SEMA6D: variants seen among roughly 807,000 people sequenced by gnomAD.
SEMA6D encodes semaphorin 6D.
A neutral mutation model predicts 106.6 loss-of-function variants in SEMA6D; 35 were observed. The ratio of observed to expected loss-of-function variants is 0.33; its 90% CI spans 0.25 to 0.44. The LOEUF is 0.44. Among genes scored for constraint, SEMA6D ranks in the 20% least tolerant of loss-of-function variants. The pLI is 1.00. For missense variants in SEMA6D, 1,185 were observed against 1,345.9 expected (o/e 0.88, Z 1.87); for synonymous variants, 499 against 487.7 (o/e 1.02, Z -0.31).
chr15:47,753,366 G>T (rs1171604086), intron 1 of SEMA6D, among the ~76,000 whole-genome samples: 1 of 152,144 alleles, frequency 6.6e-6, no homozygotes, highest in Non-Finnish European at 1.5e-5. Context: ...GGTGCAGAAG[G>T]TGAGTGGCAG....
intron 4 of SEMA6D, among the ~76,000 whole-genome samples, chr15:47,608,267 C>T (rs1021965879): frequency 2.0e-5 from 3 of 152,152 alleles, no homozygotes; most frequent in Non-Finnish European, 4.4e-5. Context: ...TTCTTTACCT[C>T]CTCCTCTGTC....
At chr15:47,750,109 G>A (rs2081349549) in intron 1 of SEMA6D, among the ~76,000 whole-genome samples, 1 of 152,112 alleles carries the variant, frequency 6.6e-6, no homozygotes, top group Non-Finnish European at 1.5e-5. Context: ...ATGGACTCAG[G>A]CTTCTTTTCA....
intron 3 of SEMA6D, among the ~76,000 whole-genome samples, chr15:47,584,298 C>T (rs1421595467): frequency 1.3e-5 from 2 of 152,142 alleles, no homozygotes; most frequent in Non-Finnish European, 2.9e-5. Flanking sequence ...TGGCACACGC[C>T]TATAATCCCA....
intron 1 of SEMA6D, among the ~76,000 whole-genome samples, chr15:47,303,726 T>A (rs559077903): frequency 6.6e-6 from 1 of 152,342 alleles, no homozygotes; most frequent in South Asian, 2.1e-4. Flanking sequence ...GGAGTGTTGG[T>A]GAAGTGTAAA....
chr15:47,320,561 T>C (rs1382630217), intron 1 of SEMA6D, among the ~76,000 whole-genome samples: 1 of 152,164 alleles, frequency 6.6e-6, no homozygotes, highest in Non-Finnish European at 1.5e-5. Flanking sequence ...CAGCTGTAAC[T>C]TCTGCCCCCT....
rs147226126 is a variant in SEMA6D, at chr15:47,634,440, TA to T, written c.-55+33545del. Among the ~76,000 whole-genome samples the T allele has an allele frequency of 2.6e-3, 402 of 152,236 alleles. 7 individuals are homozygous for T. The highest frequency in any genetic ancestry group is 9.4e-3 in the African/African-American group (392 of 41,530). On this transcript the variant is annotated intron_variant, in intron 4 of 19. Coordinates refer to the SEMA6D transcript ENST00000558014. ...CAACTTTGTTACTGCACGATGGTGA[TA>T]GAAGTTCAGCTCCCTTCTGGGCCCC...
At chr15:47,724,492 G>A (rs954180814) in intron 1 of SEMA6D, among the ~76,000 whole-genome samples, 2 of 152,226 alleles carry the variant, frequency 1.3e-5, no homozygotes, top group South Asian at 2.1e-4. Flanking sequence ...GGCTAGGGTG[G>A]TCAGGGAAGG....
At chr15:47,543,676 A>G (rs1331562912) in intron 3 of SEMA6D, among the ~76,000 whole-genome samples, 1 of 152,024 alleles carries the variant, frequency 6.6e-6, no homozygotes, top group Admixed American at 6.6e-5. Flanking sequence ...CCACCTTTTT[A>G]AATTATTTTT....
At chr15:47,493,286 C>A (rs984935065) in intron 3 of SEMA6D, among the ~76,000 whole-genome samples, 1 of 152,176 alleles carries the variant, frequency 6.6e-6, no homozygotes, top group Admixed American at 6.5e-5. Context: ...TGGAAACACA[C>A]CTCTGTGGAG....
At chr15:47,746,118 G>A (rs1342663534) in intron 1 of SEMA6D, among the ~76,000 whole-genome samples, 1 of 152,126 alleles carries the variant, frequency 6.6e-6, no homozygotes, top group Non-Finnish European at 1.5e-5. Context: ...TTTGGTGACC[G>A]AAAACCAAAG....
intron 4 of SEMA6D, among the ~76,000 whole-genome samples, chr15:47,686,563 TTTACTC>T (rs1207002174): frequency 6.6e-6 from 1 of 152,182 alleles, no homozygotes. Context: ...AGCACACAAA[TTTACTC>T]TTACCAAACT....
chr15:47,658,609 G>A (rs570061200), intron 4 of SEMA6D, among the ~76,000 whole-genome samples: 2 of 152,076 alleles, frequency 1.3e-5, no homozygotes, highest in East Asian at 3.8e-4. Flanking sequence ...TTTTGGTGTT[G>A]GACTGCGCAA....
chr15:47,497,799 C>T (rs2043719678), intron 3 of SEMA6D, among the ~76,000 whole-genome samples: 1 of 152,114 alleles, frequency 6.6e-6, no homozygotes, highest in Non-Finnish European at 1.5e-5. Flanking sequence ...TCAGCTACCA[C>T]TGAAGGCTTG....
rs751989660 is a variant in SEMA6D at position 47,760,452 on chromosome 15, C to A, written c.221+37C>A. The stretch of plus-strand genomic sequence containing the variant: ...CTCATTGGTTTATTAGATTAAAATT[C>A]TTTTCTCTTGTGGTGCTTGCATTAG... On this transcript the variant is annotated intron_variant, in intron 3 of 18. Coordinates refer to ENST00000536845, the MANE Select transcript of SEMA6D (RefSeq NM_001358351.3). 4.1e-5 allele frequency: 63 copies of A among 1,519,262 alleles called. No homozygotes were observed. In the South Asian group the frequency reaches 4.2e-4, roughly 10 times the overall value. 94.1% of individuals were successfully genotyped at this position (1,519,262 alleles called of 1,614,324 possible). A position where few individuals can be genotyped will look rare whatever the true frequency, so the allele number is the denominator to read the frequency against.
At chr15:47,213,652 C>T (rs954503655) in intron 1 of SEMA6D, among the ~76,000 whole-genome samples, 5 of 152,086 alleles carry the variant, frequency 3.3e-5, no homozygotes, top group African/African-American at 1.2e-4. Context: ...TTTTACTAGC[C>T]TTACTTATTT....
At chr15:47,208,183 A>G (rs1214044152) in intron 1 of SEMA6D, among the ~76,000 whole-genome samples, 3 of 152,078 alleles carry the variant, frequency 2.0e-5, no homozygotes, top group Non-Finnish European at 4.4e-5. Flanking sequence ...CATTTTTTTT[A>G]AATGAGAAAA....
At chr15:47,429,584 T>C (rs974217729) in intron 2 of SEMA6D, among the ~76,000 whole-genome samples, 1 of 152,108 alleles carries the variant, frequency 6.6e-6, no homozygotes, top group African/African-American at 2.4e-5. Flanking sequence ...AAATTATGCA[T>C]TGACCATAAG....
chr15:47,642,041 A>G (rs2077498528), intron 4 of SEMA6D, among the ~76,000 whole-genome samples: 1 of 152,142 alleles, frequency 6.6e-6, no homozygotes, highest in Non-Finnish European at 1.5e-5. Flanking sequence ...CCACTCGGTA[A>G]ATGTTTGCTA....
At chr15:47,521,164 A>G (rs1292505941) in intron 3 of SEMA6D, among the ~76,000 whole-genome samples, 1 of 152,122 alleles carries the variant, frequency 6.6e-6, no homozygotes, top group African/African-American at 2.4e-5. Flanking sequence ...TCAGTTATGC[A>G]TTCATTCACA....
Sources: allele counts gnomAD v4.1 joint callset (sites outside exome capture counted in the v4.1 genomes callset), GRCh38; gene constraint gnomAD v4.1.1; transcripts MANE v1.5; gene names NCBI Gene and HGNC (gene_info 2026-07-23, HGNC 2026-07-21).